CCDC192: variants seen among roughly 807,000 people sequenced by gnomAD.
CCDC192 encodes the protein coiled-coil domain-containing protein 192.
chr5:127,744,886 A>G (rs1753648549), intron 2 of CCDC192, among the ~76,000 whole-genome samples: 1 of 151,944 alleles, frequency 6.6e-6, no homozygotes, highest in Admixed American at 6.6e-5. Flanking sequence ...CCATCACTCA[A>G]CCTCGTGACC....
At chr5:127,731,211 T>A (rs559082860) in intron 2 of CCDC192, among the ~76,000 whole-genome samples, 1 of 152,220 alleles carries the variant, frequency 6.6e-6, no homozygotes, top group South Asian at 2.1e-4. Context: ...AGCATTCCTA[T>A]ACACAAATGA....
At chr5:127,853,026 C>T (rs997188273) in intron 5 of CCDC192, among the ~76,000 whole-genome samples, 2 of 152,040 alleles carry the variant, frequency 1.3e-5, no homozygotes, top group Non-Finnish European at 2.9e-5. Flanking sequence ...GGAGGCGGAG[C>T]TTGCAGTGAG....
rs536881680 is a variant in CCDC192 at position 127,743,400 on chromosome 5, G to A, written c.115-10868G>A. ...AACTCTCCTCGGTTTCTGCATTGGA[G>A]TAGCCATCTATTTCCTGCTGTCTTG... On this transcript the variant is annotated intron_variant, in intron 2 of 6. Transcript: ENST00000514853. Among the ~76,000 whole-genome samples, 84 of 152,260 alleles carry A rather than the reference G, an allele frequency of 5.5e-4. 1 individual carries two copies. Among genetic ancestry groups the A allele is most frequent in the African/African-American group, 1.4e-3 (57 of 41,544 alleles).
At chr5:127,819,640 G>A (rs879862595) in intron 5 of CCDC192, among the ~76,000 whole-genome samples, 2 of 152,086 alleles carry the variant, frequency 1.3e-5, no homozygotes, top group Non-Finnish European at 2.9e-5. Context: ...TCTGATGGTT[G>A]TTTCTTTTTA....
At chr5:127,737,841 G>C (rs939739378) in intron 2 of CCDC192, among the ~76,000 whole-genome samples, 2 of 152,034 alleles carry the variant, frequency 1.3e-5, no homozygotes, top group African/African-American at 4.8e-5. Context: ...CGTGAGATGG[G>C]TTTCCTGAAT....
At chr5:127,845,638 T>C (rs1750498932) in intron 5 of CCDC192, among the ~76,000 whole-genome samples, 1 of 152,228 alleles carries the variant, frequency 6.6e-6, no homozygotes, top group South Asian at 2.1e-4. Flanking sequence ...ATTTGCTAGT[T>C]TCCCATGTGA....
At position 127,754,249 on chromosome 5, in the gene CCDC192, GA is replaced by G. The variant is rs1754428669; in HGVS notation, c.115-18del. ...CTATCCATGTCAAAAAGTAATACTT[GA>G]TTTTTTTTTTTTTAAAGAAAGCGTC... On this transcript the variant is annotated intron_variant, in intron 2 of 6. Transcript: ENST00000514853. 5.1e-6 allele frequency: 2 copies of G among 395,450 alleles called. No homozygotes were observed. Among genetic ancestry groups the G allele is most frequent in the Non-Finnish European group, 8.9e-6 (2 of 224,644 alleles). The allele number at this position is 395,450 out of a possible 1,614,324, so 24.5% of individuals were successfully genotyped here.
intron 5 of CCDC192, among the ~76,000 whole-genome samples, chr5:127,852,854 G>C (rs1296225398): frequency 6.6e-6 from 1 of 152,122 alleles, no homozygotes; most frequent in Non-Finnish European, 1.5e-5. Context: ...CAGCACTCTG[G>C]GAGGCCGAGG....
chr5:127,875,226 A>G (rs898538839), intron 5 of CCDC192, among the ~76,000 whole-genome samples: 1 of 152,220 alleles, frequency 6.6e-6, no homozygotes, highest in Admixed American at 6.5e-5. Flanking sequence ...GCAAATGCCA[A>G]CTGGCAAGTA....
intron 5 of CCDC192, among the ~76,000 whole-genome samples, chr5:127,861,619 C>T (rs1012502341): frequency 2.6e-5 from 4 of 152,100 alleles, no homozygotes; most frequent in African/African-American, 9.7e-5. Context: ...TGTGACACTA[C>T]ACTCCAACCT....
chr5:127,881,693 G>C (rs1381889431), intron 6 of CCDC192, among the ~76,000 whole-genome samples: 1 of 152,198 alleles, frequency 6.6e-6, no homozygotes, highest in African/African-American at 2.4e-5. Context: ...CAGCTGAAAA[G>C]AAAAGCCCCT....
In CCDC192 at chr5:127,738,634, T is replaced by G. The variant is rs557614608; in HGVS notation, c.115-15634T>G. Among the ~76,000 whole-genome samples the G allele has an allele frequency of 3.3e-3, 505 of 151,154 alleles. 2 individuals are homozygous for G. The highest frequency in any genetic ancestry group is 0.01 in the African/African-American group (415 of 41,066). ...TCTTGGAGGCTTTGCTCATTTCTTT[T>G]TATTCTTTTTTCTCTAAACTTCCCT... On this transcript the variant is annotated intron_variant, in intron 2 of 6. Transcript: ENST00000514853.
At chr5:127,750,417 A>C (rs1054557963) in intron 2 of CCDC192, among the ~76,000 whole-genome samples, 1 of 152,002 alleles carries the variant, frequency 6.6e-6, no homozygotes, top group Non-Finnish European at 1.5e-5. Context: ...CATGTAGTTG[A>C]GGGGTTTTGA....
rs534053157 is a variant in CCDC192 at position 127,847,906 on chromosome 5, A to C, written c.412-27632A>C. The stretch of plus-strand genomic sequence containing the variant: ...CCACCTCCTGGATTCAAGCGATTCT[A>C]CTGCCTCAGCTTCCCGAACAGTTGG... On this transcript the variant is annotated intron_variant, in intron 5 of 6. Transcript: ENST00000514853. 1.3e-3 allele frequency among the ~76,000 whole-genome samples: 198 copies of C among 152,138 alleles called. 1 individual carries two copies. The highest frequency in any genetic ancestry group is 4.7e-3 in the African/African-American group (195 of 41,530).
chr5:127,771,635 G>A (rs1168186909), intron 3 of CCDC192, among the ~76,000 whole-genome samples: 2 of 152,210 alleles, frequency 1.3e-5, no homozygotes, highest in Non-Finnish European at 2.9e-5. Context: ...GGCGTGATAG[G>A]AGTCAAAGCC....
At chr5:127,752,889 G>A (rs898550225) in intron 2 of CCDC192, among the ~76,000 whole-genome samples, 101 of 152,308 alleles carry the variant, frequency 6.6e-4, no homozygotes, top group Admixed American at 6.5e-4. Context: ...GGTGCCGTTC[G>A]TCACCCCTTT....
At chr5:127,929,973 G>A (rs1173960808) in intron 6 of CCDC192, among the ~76,000 whole-genome samples, 1 of 152,178 alleles carries the variant, frequency 6.6e-6, no homozygotes, top group African/African-American at 2.4e-5. Flanking sequence ...GGAGGCCAAG[G>A]CAGGCAAATC....
chr5:127,820,149 A>G (rs1218575987), intron 5 of CCDC192, among the ~76,000 whole-genome samples: 1 of 152,254 alleles, frequency 6.6e-6, no homozygotes, highest in African/African-American at 2.4e-5. Context: ...CTTTTTCTGT[A>G]CATCTATGAC....
chr5:127,824,262 G>A (rs917251643), intron 5 of CCDC192, among the ~76,000 whole-genome samples: 3 of 152,140 alleles, frequency 2.0e-5, no homozygotes, highest in African/African-American at 7.2e-5. Flanking sequence ...GAAAGAAAAA[G>A]GATAGTGAGA....
Sources: gnomAD v4.1 joint callset for allele counts (sites outside exome capture counted in the v4.1 genomes callset) on GRCh38, gnomAD v4.1.1 for gene constraint, MANE v1.5 for transcripts, NCBI Gene and HGNC (gene_info 2026-07-23, HGNC 2026-07-21) for gene names.